The following SNTG1 variants were observed in gnomAD, a reference collection of about 807,000 sequenced individuals.
SNTG1 encodes syntrophin gamma 1.
SNTG1 carries 39 observed loss-of-function variants against 74.7 expected under a neutral mutation model. That is an observed-to-expected ratio of 0.52 (90% CI 0.40 to 0.68). SNTG1 has a LOEUF of 0.68. SNTG1 is among the 30% of genes least tolerant of loss of function. The pLI is 0.00. For missense variants in SNTG1, 685 were observed against 609.5 expected (o/e 1.12, Z -1.30); for synonymous variants, 254 against 217.1 (o/e 1.17, Z -1.49).
chr8:50,465,959 C>A (rs915883825), intron 8 of SNTG1, among the ~76,000 whole-genome samples: 1 of 152,098 alleles, frequency 6.6e-6, no homozygotes, highest in African/African-American at 2.4e-5. Context: ...GCTCAGAAGG[C>A]AGTTTCTGAA....
chr8:50,776,974 G>A (rs1475126235), intron 18 of SNTG1, among the ~76,000 whole-genome samples: 21 of 151,678 alleles, frequency 1.4e-4, no homozygotes, highest in Non-Finnish European at 2.7e-4. Context: ...TTCTCCTATA[G>A]GTAAGGTTTT....
At chr8:50,360,862 T>G (rs901520510) in intron 2 of SNTG1, among the ~76,000 whole-genome samples, 2 of 152,226 alleles carry the variant, frequency 1.3e-5, no homozygotes, top group South Asian at 2.1e-4. Flanking sequence ...AGTGAGTGAG[T>G]GGTAAGTGAA....
intron 2 of SNTG1, among the ~76,000 whole-genome samples, chr8:50,275,537 C>T (rs2088045480): frequency 6.6e-6 from 1 of 152,124 alleles, no homozygotes; most frequent in African/African-American, 2.4e-5. Context: ...AACATTATAA[C>T]ACTTCACAAG....
intron 2 of SNTG1, among the ~76,000 whole-genome samples, chr8:50,304,977 A>G (rs1187878563): frequency 2.6e-5 from 4 of 151,986 alleles, no homozygotes; most frequent in Non-Finnish European, 5.9e-5. Context: ...ATCTCGGCTC[A>G]CTGCAACCTC....
chr8:50,163,934 C>G (rs568608983), intron 1 of SNTG1: 1 of 152,254 alleles, frequency 6.6e-6, no homozygotes, highest in East Asian at 1.9e-4. Context: ...ATAATGACTA[C>G]ATCTTTACAA....
chr8:50,046,257 C>T (rs555260576), intron 1 of SNTG1, among the ~76,000 whole-genome samples: 8 of 152,288 alleles, frequency 5.3e-5, no homozygotes, highest in Admixed American at 2.0e-4. Context: ...CTGGAGTTTT[C>T]TGATCTCCAA....
intron 1 of SNTG1, among the ~76,000 whole-genome samples, chr8:50,009,232 A>T (rs907717059): frequency 2.6e-5 from 4 of 152,036 alleles, no homozygotes; most frequent in African/African-American, 9.7e-5. Flanking sequence ...TCTCACTTAG[A>T]TTGTATAATT....
At chr8:50,691,809 G>A (rs572639694) in intron 15 of SNTG1, among the ~76,000 whole-genome samples, 9 of 152,194 alleles carry the variant, frequency 5.9e-5, no homozygotes, top group Middle Eastern at 3.4e-3. Flanking sequence ...TTGCTAGATT[G>A]GGGAAGTTCT....
intron 13 of SNTG1, among the ~76,000 whole-genome samples, chr8:50,626,181 T>C (rs1448468709): frequency 6.6e-6 from 1 of 152,188 alleles, no homozygotes; most frequent in Non-Finnish European, 1.5e-5. Flanking sequence ...GAACTTCCTT[T>C]ATATAACACT....
chr8:50,355,751 A>G (rs1323906744), intron 2 of SNTG1, among the ~76,000 whole-genome samples: 4 of 152,226 alleles, frequency 2.6e-5, no homozygotes, highest in Admixed American at 2.6e-4. Flanking sequence ...TTCCTATGGT[A>G]TAAGAGGAAA....
intron 1 of SNTG1, among the ~76,000 whole-genome samples, chr8:50,136,892 G>A (rs1208323477): frequency 1.3e-5 from 2 of 151,996 alleles, no homozygotes; most frequent in Non-Finnish European, 2.9e-5. Context: ...ATGAGGAAGA[G>A]GTCAGGAGAC....
In SNTG1 at chr8:50,709,012, T is replaced by C. The variant is rs1448477723; in HGVS notation, c.1284+34T>C. ...TTCAGGTCAGCTCTGAGAAATATGC[T>C]GCAAACATTCTAATTGAAGAATGAT... On this transcript the variant is annotated intron_variant, in intron 17 of 18. Coordinates refer to ENST00000642720, the MANE Select transcript of SNTG1 (RefSeq NM_018967.5). 5.5e-6 allele frequency: 8 copies of C among 1,446,136 alleles called. No individual in the cohort carries two copies. In the African/African-American group the frequency reaches 1.1e-4, roughly 20 times the overall value. 89.6% of individuals were successfully genotyped at this position (1,446,136 alleles called of 1,614,324 possible).
At chr8:50,576,358 A>G (rs1339192556) in intron 12 of SNTG1, among the ~76,000 whole-genome samples, 1 of 152,140 alleles carries the variant, frequency 6.6e-6, no homozygotes, top group African/African-American at 2.4e-5. Context: ...GACCTATAGC[A>G]CATAGTTTAC....
At chr8:50,585,125 A>C (rs2094639400) in intron 12 of SNTG1, among the ~76,000 whole-genome samples, 1 of 152,218 alleles carries the variant, frequency 6.6e-6, no homozygotes, top group Admixed American at 6.5e-5. Context: ...TGTCTGAAAA[A>C]TGAGTTTCCA....
At chr8:50,060,070 G>T (rs1001417076) in intron 1 of SNTG1, among the ~76,000 whole-genome samples, 1 of 152,054 alleles carries the variant, frequency 6.6e-6, no homozygotes, top group Non-Finnish European at 1.5e-5. Context: ...TACAGTAAAG[G>T]TGGTTTTGAT....
intron 8 of SNTG1, among the ~76,000 whole-genome samples, chr8:50,454,829 T>TAAAAAA (rs1158732952): frequency 1.3e-4 from 12 of 95,120 alleles, no homozygotes; most frequent in Middle Eastern, 6.9e-3. Flanking sequence ...CAGACAGAGC[T>TAAAAAA]AAAAAAAAAA....
intron 3 of SNTG1, among the ~76,000 whole-genome samples, chr8:50,400,838 A>G (rs2092794502): frequency 6.6e-6 from 1 of 152,130 alleles, no homozygotes; most frequent in African/African-American, 2.4e-5. Context: ...GAGAACAGGT[A>G]CAATGTTACA....
intron 1 of SNTG1, among the ~76,000 whole-genome samples, chr8:49,914,084 T>C (rs1016936663): frequency 7.9e-5 from 12 of 152,180 alleles, no homozygotes; most frequent in African/African-American, 2.9e-4. Context: ...GAAATGTCCT[T>C]ACATTGAGAT....
intron 5 of SNTG1, among the ~76,000 whole-genome samples, chr8:50,442,680 T>TAAAAAAAAAAAAAAAAAAAA (rs5891365): frequency 3.7e-5 from 3 of 81,172 alleles, no homozygotes; most frequent in South Asian, 5.2e-4. Flanking sequence ...TGTCTATCAG[T>TAAAAAAAAAAAAAAAAAAAA]AAAAAAAAAA....
Sources: gnomAD v4.1 joint callset for allele counts (sites outside exome capture counted in the v4.1 genomes callset) on GRCh38, gnomAD v4.1.1 for gene constraint, MANE v1.5 for transcripts, NCBI Gene and HGNC (gene_info 2026-07-23, HGNC 2026-07-21) for gene names.